Variants in CBLB observed in about 807,000 individuals in gnomAD.
CBLB encodes E3 ubiquitin-protein ligase CBL-B.
In CBLB, 31 loss-of-function variants were observed where a neutral mutation model predicts 104.9. The observed-to-expected ratio is 0.30, with a 90% CI of 0.22 to 0.40. The LOEUF (loss-of-function observed/expected upper bound fraction) is 0.40. Ranked by LOEUF, CBLB falls within the 10% of genes least tolerant of loss-of-function variation. CBLB has a pLI of 1.00. For synonymous variants in CBLB, 440 were observed against 422.6 expected (o/e 1.04, Z -0.51); for missense variants, 1,062 against 1,214.6 (o/e 0.87, Z 1.87).
At chr3:105,812,388 T>C (rs2084426694) in intron 3 of CBLB, among the ~76,000 whole-genome samples, 1 of 152,002 alleles carries the variant, frequency 6.6e-6, no homozygotes, top group Non-Finnish European at 1.5e-5. Flanking sequence ...ATCAGTGGGA[T>C]AAAGGAAGGA....
chr3:105,858,202 C>T (rs1433356721), intron 2 of CBLB, among the ~76,000 whole-genome samples: 1 of 152,120 alleles, frequency 6.6e-6, no homozygotes, highest in Non-Finnish European at 1.5e-5. Flanking sequence ...CTACGGTATG[C>T]CACTGGGTGC....
intron 9 of CBLB, among the ~76,000 whole-genome samples, chr3:105,729,452 T>C (rs377197881): frequency 2.0e-5 from 3 of 152,160 alleles, no homozygotes; most frequent in East Asian, 3.9e-4. Flanking sequence ...AGAAGCAAAA[T>C]AACAAATTCT....
intron 7 of CBLB, among the ~76,000 whole-genome samples, chr3:105,740,246 T>C (rs2075391043): frequency 6.6e-6 from 1 of 152,254 alleles, no homozygotes; most frequent in Non-Finnish European, 1.5e-5. Context: ...CAAGTTTTTA[T>C]CATATGAAAG....
At chr3:105,754,191 G>A (rs926235061) in intron 4 of CBLB, among the ~76,000 whole-genome samples, 2 of 152,042 alleles carry the variant, frequency 1.3e-5, no homozygotes, top group Non-Finnish European at 2.9e-5. Flanking sequence ...TAGAAATAGA[G>A]TACAACAACA....
intron 2 of CBLB, among the ~76,000 whole-genome samples, chr3:105,858,890 T>A (rs1161026224): frequency 1.3e-5 from 2 of 152,206 alleles, no homozygotes; most frequent in Non-Finnish European, 2.9e-5. Flanking sequence ...AGACTCTCTC[T>A]GTACATGCAT....
chr3:105,730,461 T>C (rs2074192718), intron 9 of CBLB, among the ~76,000 whole-genome samples: 1 of 152,142 alleles, frequency 6.6e-6, no homozygotes, highest in Non-Finnish European at 1.5e-5. Context: ...GACTTCCTTT[T>C]CTTTTACATT....
At chr3:105,721,421 T>C (rs985163694) in intron 9 of CBLB, among the ~76,000 whole-genome samples, 2 of 152,202 alleles carry the variant, frequency 1.3e-5, no homozygotes, top group African/African-American at 4.8e-5. Flanking sequence ...GATCCTGTGA[T>C]AGTTTATTCT....
Position 105,826,723 on chromosome 3 carries a change from C to A in CBLB, c.419+26691G>T, listed in dbSNP as rs1025316034. Among the ~76,000 whole-genome samples, 4 of 152,202 alleles carry A rather than the reference C, an allele frequency of 2.6e-5. No individual in the cohort carries two copies. In the South Asian group the frequency reaches 8.3e-4, roughly 32 times the overall value. Reference sequence around the variant, plus strand: ...AGCCTTGGCAGAAAAGGCTTCTGAACATAAACAGAAAAGCAATGATACACA... The same window carrying A: ...AGCCTTGGCAGAAAAGGCTTCTGAAAATAAACAGAAAAGCAATGATACACA... On this transcript the variant is annotated intron_variant, in intron 3 of 18. Coordinates refer to ENST00000394030, the MANE Select transcript of CBLB (RefSeq NM_170662.5).
chr3:105,860,120 A>T (rs2091972992), intron 2 of CBLB, among the ~76,000 whole-genome samples: 1 of 152,220 alleles, frequency 6.6e-6, no homozygotes, highest in Admixed American at 6.5e-5. Context: ...ATGAGAATGG[A>T]ACTTCCTTGA....
At chr3:105,681,887 G>C (rs2066364192) in intron 14 of CBLB, 69 bp from the exon 15 acceptor site, 4 of 891,480 alleles carry the variant, frequency 4.5e-6, no homozygotes, top group Middle Eastern at 3.1e-4. Flanking sequence ...TTGAGAGGTA[G>C]AGGGAACTAG....
chr3:105,715,766 C>T (rs981173227), intron 10 of CBLB, among the ~76,000 whole-genome samples: 12 of 152,116 alleles, frequency 7.9e-5, no homozygotes, highest in Admixed American at 4.6e-4. Context: ...GCACCAGGCA[C>T]GGTGGCTCAT....
At chr3:105,852,858 C>T (rs1052612491) in intron 3 of CBLB, among the ~76,000 whole-genome samples, 1 of 152,068 alleles carries the variant, frequency 6.6e-6, no homozygotes, top group Non-Finnish European at 1.5e-5. Context: ...GCTGGGATTA[C>T]AGGCGTGTGC....
chr3:105,720,286 C>G, intron 9 of CBLB, 36 bp from the exon 10 acceptor site: 1 of 1,543,566 alleles, frequency 6.5e-7, no homozygotes, highest in Non-Finnish European at 8.9e-7. Context: ...TGGTTTTGTT[C>G]AAAATAAACA....
chr3:105,745,590 T>C (rs2152893918), intron 6 of CBLB, among the ~76,000 whole-genome samples: 1 of 152,328 alleles, frequency 6.6e-6, no homozygotes, highest in East Asian at 1.9e-4. Context: ...CCTAAAGTAA[T>C]GAACATAAGA....
intron 3 of CBLB, among the ~76,000 whole-genome samples, chr3:105,785,157 G>T (rs1017337960): frequency 3.3e-5 from 5 of 152,104 alleles, no homozygotes; most frequent in Admixed American, 3.3e-4. Context: ...TCTTACACCT[G>T]TAACAACTTC....
intron 10 of CBLB, among the ~76,000 whole-genome samples, chr3:105,715,114 C>A (rs1009916335): frequency 2.0e-5 from 3 of 152,132 alleles, no homozygotes; most frequent in South Asian, 4.1e-4. Context: ...AATCCTCTGG[C>A]AAAATGAAGC....
chr3:105,701,045 A>G (rs918926777), intron 12 of CBLB, among the ~76,000 whole-genome samples: 2 of 152,210 alleles, frequency 1.3e-5, no homozygotes, highest in African/African-American at 4.8e-5. Context: ...AGCAGAGGGA[A>G]GATGGCAAGG....
At chr3:105,852,678 A>G (rs1019460884) in intron 3 of CBLB, among the ~76,000 whole-genome samples, 12 of 152,260 alleles carry the variant, frequency 7.9e-5, no homozygotes, top group African/African-American at 2.9e-4. Flanking sequence ...ACTCACTTCC[A>G]GTCTGGCAAG....
In CBLB at chr3:105,746,019, C is replaced by T. The variant is rs560042700; in HGVS notation, c.743G>A (p.Arg248Gln). 136 of 1,606,202 alleles carry T rather than the reference C, an allele frequency of 8.5e-5. No homozygotes were observed. The highest frequency in any genetic ancestry group is 8.2e-4 in the South Asian group (75 of 90,910). Residue 248 changes from arginine (R) to glutamine (Q), a missense_variant, in exon 6 of 19, where the codon CGG becomes CAG. Around this residue, in one of 2 missense-constraint regions of CBLB, gnomAD observed 457 missense variants for 632.0 expected, o/e 0.72. Coordinates refer to ENST00000394030, the MANE Select transcript of CBLB (RefSeq NM_170662.5). ...TGTCACAGCTAAGAAATTCCAATTC[C>T]GCAAAATAGAGCCCCAAGGCTAAAA... Reference protein sequence around the residue: ...RLFQPWGSILRNWNFLAVTHP... With the variant: ...RLFQPWGSILQNWNFLAVTHP...
Sources: allele counts gnomAD v4.1 joint callset (sites outside exome capture counted in the v4.1 genomes callset), GRCh38; gene constraint gnomAD v4.1.1; regional missense constraint gnomAD v4.1.1; transcripts MANE v1.5; gene names NCBI Gene and HGNC (gene_info 2026-07-23, HGNC 2026-07-21).